CBFA2T2: variants seen among roughly 807,000 people sequenced by gnomAD.
CBFA2T2 encodes the protein CBFA2/RUNX1 partner transcriptional co-repressor 2, also known as protein CBFA2T2.
CBFA2T2 carries 11 observed loss-of-function variants against 62.2 expected under a neutral mutation model. The observed-to-expected ratio is 0.18, with a 90% CI of 0.11 to 0.29. The LOEUF (loss-of-function observed/expected upper bound fraction) is 0.29, where lower values mean the gene tolerates loss of function less well. Among genes scored for constraint, CBFA2T2 ranks in the 10% least tolerant of loss-of-function variants. The probability of loss-of-function intolerance (pLI) is 1.00; values close to 1 mark genes in which losing one functional copy is unlikely to be tolerated. For missense variants in CBFA2T2, 592 were observed against 774.1 expected (o/e 0.76, Z 2.79); for synonymous variants, 295 against 287.5 (o/e 1.03, Z -0.27).
intron 1 of CBFA2T2, among the ~76,000 whole-genome samples, chr20:33,552,950 A>G (rs977936640): frequency 2.0e-5 from 3 of 151,986 alleles, no homozygotes; most frequent in African/African-American, 7.2e-5. Context: ...GTCAAATTTC[A>G]TTTCATCAGA....
At chr20:33,630,902 C>T (rs1212407991) in intron 8 of CBFA2T2, among the ~76,000 whole-genome samples, 1 of 152,152 alleles carries the variant, frequency 6.6e-6, no homozygotes, top group Non-Finnish European at 1.5e-5. Context: ...CTTTCCCCAC[C>T]CCACCCACAG....
At chr20:33,642,106 TTTTTTTTTTTTG>T (rs1353210379) in intron 10 of CBFA2T2, among the ~76,000 whole-genome samples, 4 of 39,456 alleles carry the variant, frequency 1.0e-4, no homozygotes, top group African/African-American at 9.3e-4. Context: ...CTCCTTTGTC[TTTTTTTTTTTTG>T]TGTGTGTGTG....
At chr20:33,543,604 A>T (rs564138880) in intron 1 of CBFA2T2, among the ~76,000 whole-genome samples, 5 of 152,298 alleles carry the variant, frequency 3.3e-5, no homozygotes, top group African/African-American at 1.2e-4. Flanking sequence ...GATTTCAGTC[A>T]GAGGAAAAGA....
chr20:33,539,860 T>A (rs1055423621), intron 1 of CBFA2T2, among the ~76,000 whole-genome samples: 1 of 151,960 alleles, frequency 6.6e-6, no homozygotes, highest in South Asian at 2.1e-4. Flanking sequence ...ATAATTTTTT[T>A]TTTTAATTTT....
chr20:33,508,512 A>G (rs1199295325), intron 1 of CBFA2T2, among the ~76,000 whole-genome samples: 1 of 151,988 alleles, frequency 6.6e-6, no homozygotes, highest in African/African-American at 2.4e-5. Flanking sequence ...TTTGTTGTAC[A>G]GATTACTTCC....
chr20:33,492,760 C>T (rs2011157584), intron 1 of CBFA2T2, among the ~76,000 whole-genome samples: 1 of 152,072 alleles, frequency 6.6e-6, no homozygotes, highest in Non-Finnish European at 1.5e-5. Context: ...ATCCTCCTTC[C>T]TCAGCCATCC....
At chr20:33,507,787 G>T (rs1219291071) in intron 1 of CBFA2T2, among the ~76,000 whole-genome samples, 1 of 152,140 alleles carries the variant, frequency 6.6e-6, no homozygotes, top group Non-Finnish European at 1.5e-5. Context: ...TGTAGCAATT[G>T]TCTTTTCATA....
At chr20:33,565,956 C>T (rs1015420582) in intron 1 of CBFA2T2, among the ~76,000 whole-genome samples, 1 of 152,062 alleles carries the variant, frequency 6.6e-6, no homozygotes, top group East Asian at 1.9e-4. Context: ...CAGTTGGATC[C>T]GAAAGATTGG....
At chr20:33,531,169 GGTGCAGTACAGTGTCAGTGTCAGT>G (rs2012050109) in intron 1 of CBFA2T2, among the ~76,000 whole-genome samples, 1 of 152,128 alleles carries the variant, frequency 6.6e-6, no homozygotes, top group Non-Finnish European at 1.5e-5. Flanking sequence ...CTAAATGCAG[GGTGCAGTACAGTGTCAGTGTCAGT>G]GTGCAGTGCT....
intron 1 of CBFA2T2, among the ~76,000 whole-genome samples, chr20:33,513,486 A>G (rs1230703063): frequency 2.0e-5 from 3 of 151,492 alleles, no homozygotes; most frequent in African/African-American, 7.3e-5. Flanking sequence ...CAGCCTCCCA[A>G]TTACAGCTGG....
Position 33,544,995 on chromosome 20 carries a change from T to TAGAACAGAACAGAACAGAACAGAAC in CBFA2T2, c.34+54698_34+54699insCAGAACAGAACAGAACAGAACAGAA, listed in dbSNP as rs1568810922. On this transcript the variant is annotated intron_variant, in intron 1 of 10. Transcript: ENST00000342704. ...TAGAATAGAATAGAATAGAATAGAA[T>TAGAACAGAACAGAACAGAACAGAAC]AGAATAGAATAGAATAGAACAGAAC... Among the ~76,000 whole-genome samples the TAGAACAGAACAGAACAGAACAGAAC allele has an allele frequency of 4.6e-3, 591 of 128,554 alleles. 11 individuals carry two copies. The highest frequency in any genetic ancestry group is 0.016 in the African/African-American group (536 of 32,836). The allele number at this position is 128,554 out of a possible 152,430, so 84.3% of individuals were successfully genotyped here. A position where few individuals can be genotyped will look rare whatever the true frequency, so the allele number is the denominator to read the frequency against.
chr20:33,559,172 CTTTT>C lies in CBFA2T2; in HGVS notation c.35-47766_35-47763del, dbSNP rs376048540. Among the ~76,000 whole-genome samples, 80 of 87,618 alleles carry C rather than the reference CTTTT, an allele frequency of 9.1e-4. 1 individual carries two copies. Among genetic ancestry groups the C allele is most frequent in the African/African-American group, 3.9e-3 (74 of 19,092 alleles). 57.5% of individuals were successfully genotyped at this position (87,618 alleles called of 152,430 possible). ...CAATTGCAGCTTCTTTTTTTCCTTT[CTTTT>C]TTTTTTTTTTTTTTTTTCTGAGATG... On this transcript the variant is annotated intron_variant, in intron 1 of 10. Coordinates refer to ENST00000342704, the MANE Select transcript of CBFA2T2 (RefSeq NM_001032999.3).
chr20:33,555,960 G>A (rs914195010), intron 1 of CBFA2T2, among the ~76,000 whole-genome samples: 1 of 152,176 alleles, frequency 6.6e-6, no homozygotes, highest in Non-Finnish European at 1.5e-5. Flanking sequence ...TGACCTCCTG[G>A]ACTCAGGCAA....
intron 1 of CBFA2T2, among the ~76,000 whole-genome samples, chr20:33,588,181 T>A (rs186501705): frequency 1.8e-4 from 27 of 152,278 alleles, no homozygotes; most frequent in African/African-American, 6.3e-4. Flanking sequence ...AACACAAAAG[T>A]TTCCTCTTGA....
At chr20:33,535,341 T>C (rs908775114) in intron 1 of CBFA2T2, among the ~76,000 whole-genome samples, 4 of 151,792 alleles carry the variant, frequency 2.6e-5, no homozygotes, top group Admixed American at 6.6e-5. Flanking sequence ...ACTGGAAAAT[T>C]TGGCCACACT....
chr20:33,535,630 T>A (rs2012189625), intron 1 of CBFA2T2, among the ~76,000 whole-genome samples: 1 of 149,916 alleles, frequency 6.7e-6, no homozygotes, highest in African/African-American at 2.4e-5. Flanking sequence ...TTTCTTTTTT[T>A]TTTTGACCTT....
chr20:33,582,240 C>G (rs1194742345), intron 1 of CBFA2T2, among the ~76,000 whole-genome samples: 1 of 152,004 alleles, frequency 6.6e-6, no homozygotes, highest in Non-Finnish European at 1.5e-5. Flanking sequence ...CGCCTGTAAT[C>G]TCAGCACTTT....
intron 1 of CBFA2T2, among the ~76,000 whole-genome samples, chr20:33,606,569 A>T (rs774530304): frequency 1.1e-4 from 16 of 151,984 alleles, no homozygotes; most frequent in Non-Finnish European, 1.5e-4. Context: ...TCCTCGGTGT[A>T]TAGATGTGTC....
At chr20:33,510,102 A>G (rs2011480815) in intron 1 of CBFA2T2, among the ~76,000 whole-genome samples, 3 of 152,214 alleles carry the variant, frequency 2.0e-5, no homozygotes, top group Middle Eastern at 3.4e-3. Context: ...TAGTTTGCTC[A>G]GAATGATGGT....
Sources: gnomAD v4.1 joint callset for allele counts (sites outside exome capture counted in the v4.1 genomes callset) on GRCh38, gnomAD v4.1.1 for gene constraint, MANE v1.5 for transcripts, NCBI Gene and HGNC (gene_info 2026-07-23, HGNC 2026-07-21) for gene names.